Variants in UCP2 observed in about 807,000 individuals in gnomAD.
The protein encoded by UCP2 is uncoupling protein 2, also known as dicarboxylate carrier SLC25A8.
A neutral mutation model predicts 31.3 loss-of-function variants in UCP2; 27 were observed. That is an observed-to-expected ratio of 0.86 (90% CI 0.64 to 1.19). The LOEUF is 1.19. UCP2 is among the 50% of genes most tolerant of loss of function. The pLI is 0.00. For missense variants in UCP2, 377 were observed against 413.5 expected (o/e 0.91, Z 0.76); for synonymous variants, 142 against 157.4 (o/e 0.90, Z 0.73).
chr11:73,975,160 C>T (rs747972077), intron 7 of UCP2, 39 bp from the exon 8 acceptor site: 17 of 1,537,870 alleles, frequency 1.1e-5, no homozygotes, highest in Non-Finnish European at 1.5e-5. Context: ...GGCACCTCCA[C>T]CTCCCACTTC....
chr11:73,976,355 A>AG (rs1420055159), intron 6 of UCP2, among the ~76,000 whole-genome samples: 1 of 152,160 alleles, frequency 6.6e-6, no homozygotes, highest in African/African-American at 2.4e-5. Flanking sequence ...CTCAAAAAAA[A>AG]CAAAAAACAA....
intron 3 of UCP2, 46 bp downstream of exon 3, chr11:73,978,207 G>A (rs45532033): frequency 6.2e-7 from 1 of 1,614,056 alleles, no homozygotes; most frequent in African/African-American, 1.3e-5. Context: ...CTTTGGGGAG[G>A]GAACAGAGTA....
chr11:73,982,436 T>C (rs2135374530), intron 1 of UCP2, among the ~76,000 whole-genome samples: 1 of 152,038 alleles, frequency 6.6e-6, no homozygotes, highest in East Asian at 1.9e-4. Context: ...AACACAAAAA[T>C]TAGCCAGGCG....
intron 3 of UCP2, 56 bp downstream of exon 3, chr11:73,978,197 C>T: frequency 1.2e-6 from 2 of 1,614,054 alleles, no homozygotes; most frequent in Non-Finnish European, 1.7e-6. Flanking sequence ...GGGTCTGTGT[C>T]TTTGGGGAGG....
chr11:73,975,172 C>T, intron 7 of UCP2, 51 bp from the exon 8 acceptor site: 1 of 1,487,582 alleles, frequency 6.7e-7, no homozygotes, highest in East Asian at 2.4e-5. Flanking sequence ...TCCCACTTCC[C>T]TCACTGGGCC....
intron 2 of UCP2, 39 bp from the exon 3 acceptor site, chr11:73,978,516 C>T (rs1370960152): frequency 7.1e-6 from 9 of 1,271,462 alleles, no homozygotes; most frequent in Non-Finnish European, 9.9e-6. Flanking sequence ...GCCACAATGT[C>T]CCCAGGCCCT....
chr11:73,980,034 TG>T (rs1029432437), intron 2 of UCP2: 1 of 152,218 alleles, frequency 6.6e-6, no homozygotes, highest in Non-Finnish European at 1.5e-5. Context: ...CAGGCAGGGA[TG>T]AGGGGTCCAG....
At position 73,978,460 on chromosome 11, in the gene UCP2, G is replaced by C; in HGVS notation, c.-82C>G. The C allele has an allele frequency of 1.9e-6, 3 of 1,588,242 alleles. No individual in the cohort carries two copies. The highest frequency in any genetic ancestry group is 2.6e-6 in the Non-Finnish European group (3 of 1,165,640). ...CTTTAATCAGCAACAAGACGAGATA[G>C]AGGAACTCTGCCGGAATCTAAGCCA... On this transcript the variant is annotated 5_prime_UTR_variant, in exon 3 of 8. Coordinates refer to ENST00000663595, the MANE Select transcript of UCP2 (RefSeq NM_003355.3).
chr11:73,977,766 C>G (rs1395333833), intron 4 of UCP2, 120 bp downstream of exon 4: 1 of 1,366,078 alleles, frequency 7.3e-7, no homozygotes, highest in African/African-American at 1.4e-5. Flanking sequence ...TTCCAGTTCT[C>G]TGTTCCCCTG....
upstream of UCP2, chr11:73,983,152 C>A (rs1951489417): frequency 6.6e-6 from 1 of 152,392 alleles, no homozygotes; most frequent in Admixed American, 6.5e-5. Context: ...CCGCCAGAAA[C>A]AAGTCTTGTC....
chr11:73,976,804 GA>G lies in UCP2; in HGVS notation c.532+18del. 1 of 1,614,244 alleles carries G rather than the reference GA, an allele frequency of 6.2e-7. No homozygotes were observed. Among genetic ancestry groups the G allele is most frequent in the Non-Finnish European group, 8.5e-7 (1 of 1,180,038 alleles). On this transcript the variant is annotated intron_variant, in intron 5 of 7. Coordinates refer to ENST00000663595, the MANE Select transcript of UCP2 (RefSeq NM_003355.3). ...ATCGGGGAGGAGGAAAAGGGGAAGGGAAAACAACTGGTACACACCTTTCCAG... is the reference window on the plus strand; with the variant it reads ...ATCGGGGAGGAGGAAAAGGGGAAGGGAAACAACTGGTACACACCTTTCCAG...
chr11:73,976,833 G>C lies in UCP2; in HGVS notation c.522C>G (p.Gly174=). 2 of 1,614,218 alleles carry C rather than the reference G, an allele frequency of 1.2e-6. No homozygotes were observed. The highest frequency in any genetic ancestry group is 1.7e-6 in the Non-Finnish European group (2 of 1,180,030). The change falls in exon 5 of 8, where the codon GGC becomes GGG. Residue 174 remains glycine (G), a synonymous_variant. Coordinates refer to ENST00000663595, the MANE Select transcript of UCP2 (RefSeq NM_003355.3). ...ACAACTGGTACACACCTTTCCAGAG[G>C]CCCCGGAACCCTTCCTCTCGGGCAA... is the stretch of plus-strand genomic sequence containing the variant. ...KTIAREEGFR[G]LWKGTSPNVA...
chr11:73,975,146 T>C (rs749309180), intron 7 of UCP2, 25 bp from the exon 8 acceptor site: 49 of 1,584,554 alleles, frequency 3.1e-5, no homozygotes, highest in Non-Finnish European at 3.6e-5. Context: ...TCACAGGTCA[T>C]GGGGGCACCT....
At chr11:73,975,214 C>T (rs780418873) in intron 7 of UCP2, 93 bp from the exon 8 acceptor site, 2 of 1,229,976 alleles carry the variant, frequency 1.6e-6, no homozygotes, top group Non-Finnish European at 2.3e-6. Context: ...TGCTCTGTCC[C>T]AAAGGAGGCT....
chr11:73,978,482 G>A lies in UCP2; in HGVS notation c.-99-5C>T. On this transcript the variant is annotated splice_region_variant and splice_polypyrimidine_tract_variant and intron_variant, in intron 2 of 7. Coordinates refer to ENST00000663595, the MANE Select transcript of UCP2 (RefSeq NM_003355.3). ...ATAGAGGAACTCTGCCGGAATCTAAGCCAAGAGGAGAAAAGCCCCATTAGC... is the reference window on the plus strand; with the variant it reads ...ATAGAGGAACTCTGCCGGAATCTAAACCAAGAGGAGAAAAGCCCCATTAGC... 1 of 1,530,954 alleles carries A rather than the reference G, an allele frequency of 6.5e-7. No homozygotes were observed. The allele number at this position is 1,530,954 out of a possible 1,614,324, so 94.8% of individuals were successfully genotyped here.
In UCP2 at chr11:73,974,894, G is replaced by A. The variant is rs1951312939; in HGVS notation, c.*113C>T. ...AGGTAAAGGAGCGGAAGGAAGAGGT[G>A]GGGAAAGAGGGAAGGAGAGAAGGGA... is the stretch of plus-strand genomic sequence containing the variant. On this transcript the variant is annotated 3_prime_UTR_variant, in exon 8 of 8. Coordinates refer to ENST00000663595, the MANE Select transcript of UCP2 (RefSeq NM_003355.3). 1.1e-6 allele frequency: 1 copy of A among 919,356 alleles called. No individual in the cohort carries two copies. The highest frequency in any genetic ancestry group is 1.7e-6 in the Non-Finnish European group (1 of 571,572). 56.9% of individuals were successfully genotyped at this position (919,356 alleles called of 1,614,324 possible). A position where few individuals can be genotyped will look rare whatever the true frequency, so the allele number is the denominator to read the frequency against.
In UCP2 at chr11:73,977,971, G is replaced by A. The variant is rs749932912; in HGVS notation, c.252C>T (p.Ala84=). The change falls in exon 4 of 8, where the codon GCC becomes GCT. Residue 84 remains alanine (A), a synonymous_variant. Coordinates refer to ENST00000663595, the MANE Select transcript of UCP2 (RefSeq NM_003355.3). ...GPRSLYNGLV[A]GLQRQMSFAS... is the part of the protein sequence containing the mutation. ...CAAAGCTCATTTGGCGCTGCAGGCC[G>A]GCAACCAGCCCATTGTAGAGGCTTC... 64 of 1,614,112 alleles carry A rather than the reference G, an allele frequency of 4.0e-5. No homozygotes were observed. The highest frequency in any genetic ancestry group is 6.7e-5 in the African/African-American group (5 of 74,930).
intron 6 of UCP2, among the ~76,000 whole-genome samples, chr11:73,975,973 G>T (rs1183709888): frequency 6.6e-6 from 1 of 152,038 alleles, no homozygotes; most frequent in African/African-American, 2.4e-5. Flanking sequence ...GGCTGAGGTG[G>T]GAGGATTGCT....
chr11:73,980,963 C>G (rs1386882963), intron 2 of UCP2: 6 of 152,190 alleles, frequency 3.9e-5, no homozygotes, highest in Non-Finnish European at 7.3e-5. Context: ...AGAGGTTCAG[C>G]TGCCATATTC....
Sources: allele counts gnomAD v4.1 joint callset (sites outside exome capture counted in the v4.1 genomes callset), GRCh38; gene constraint gnomAD v4.1.1; transcripts MANE v1.5; gene names NCBI Gene and HGNC (gene_info 2026-07-23, HGNC 2026-07-21).